Variants in AGBL4 observed in about 807,000 individuals in gnomAD.
AGBL4 encodes cytosolic carboxypeptidase 6.
In AGBL4, 58 loss-of-function variants were observed where a neutral mutation model predicts 66.4. The observed-to-expected ratio is 0.87, with a 90% CI of 0.71 to 1.09. AGBL4 has a LOEUF of 1.09. Among genes scored for constraint, AGBL4 ranks in the 50% least tolerant of loss-of-function variants. The pLI is 0.00. For missense variants in AGBL4, 579 were observed against 631.0 expected (o/e 0.92, Z 0.88); for synonymous variants, 234 against 222.9 (o/e 1.05, Z -0.44).
intron 5 of AGBL4, among the ~76,000 whole-genome samples, chr1:48,933,835 C>T (rs950249555): frequency 7.9e-5 from 12 of 152,160 alleles, no homozygotes; most frequent in African/African-American, 2.7e-4. Context: ...CCAAAGGGAG[C>T]AATTGGTTCT....
downstream of AGBL4, among the ~76,000 whole-genome samples, chr1:48,531,667 C>T (rs1643907387): frequency 6.6e-6 from 1 of 152,196 alleles, no homozygotes; most frequent in African/African-American, 2.4e-5. Context: ...TGTTTGGCAG[C>T]ACAGAACAAG....
At chr1:49,731,169 G>T (rs1649416118) in intron 2 of AGBL4, among the ~76,000 whole-genome samples, 2 of 152,174 alleles carry the variant, frequency 1.3e-5, no homozygotes, top group African/African-American at 4.8e-5. Flanking sequence ...GAAGACCAAA[G>T]CTCCTATCAG....
chr1:49,725,093 T>C (rs1021195575), intron 2 of AGBL4, among the ~76,000 whole-genome samples: 6 of 152,098 alleles, frequency 3.9e-5, no homozygotes, highest in Non-Finnish European at 7.4e-5. Context: ...TTTATTATTT[T>C]CCTACTAAAA....
chr1:49,295,723 A>C (rs182635764), intron 3 of AGBL4, among the ~76,000 whole-genome samples: 131 of 152,248 alleles, frequency 8.6e-4, no homozygotes, highest in Middle Eastern at 6.8e-3. Context: ...CTCCAATGGA[A>C]AATGCCCAAG....
intron 13 of AGBL4, 37 bp downstream of exon 13, chr1:48,534,853 T>C (rs1324261255): frequency 1.3e-6 from 2 of 1,547,618 alleles, no homozygotes; most frequent in Admixed American, 3.9e-5. Context: ...CATGGTATGT[T>C]ACTTACGGGC....
At chr1:49,886,776 T>C (rs551591519) in intron 1 of AGBL4, among the ~76,000 whole-genome samples, 17 of 152,154 alleles carry the variant, frequency 1.1e-4, no homozygotes, top group Non-Finnish European at 2.2e-4. Flanking sequence ...ACATATGTAA[T>C]CTTGTCAAGC....
intron 6 of AGBL4, among the ~76,000 whole-genome samples, chr1:48,768,644 C>T (rs187736808): frequency 6.6e-6 from 1 of 152,212 alleles, no homozygotes; most frequent in Admixed American, 6.5e-5. Context: ...TCTTAACTTC[C>T]ATTTGACATA....
At chr1:49,892,950 T>A (rs1445241816) in intron 1 of AGBL4, among the ~76,000 whole-genome samples, 3 of 152,154 alleles carry the variant, frequency 2.0e-5, no homozygotes, top group Admixed American at 1.3e-4. Flanking sequence ...CTTTTCCTAA[T>A]ACTTTGCAGT....
chr1:48,585,802 CA>C (rs1233138751), intron 11 of AGBL4: 1 of 152,266 alleles, frequency 6.6e-6, no homozygotes, highest in African/African-American at 2.4e-5. Flanking sequence ...ACCATACCCC[CA>C]ACCCTCCCAA....
chr1:49,716,697 T>C (rs1213637100), intron 2 of AGBL4, among the ~76,000 whole-genome samples: 1 of 152,102 alleles, frequency 6.6e-6, no homozygotes, highest in African/African-American at 2.4e-5. Flanking sequence ...TCTCAATAGA[T>C]GCAGAAATGG....
intron 1 of AGBL4, among the ~76,000 whole-genome samples, chr1:49,856,481 A>T (rs553961446): frequency 2.2e-4 from 34 of 152,128 alleles, no homozygotes; most frequent in Non-Finnish European, 2.6e-4. Flanking sequence ...ATTATCAACA[A>T]AATATTAGCT....
intron 5 of AGBL4, among the ~76,000 whole-genome samples, chr1:49,012,270 G>A (rs2149008382): frequency 6.6e-6 from 1 of 152,200 alleles, no homozygotes; most frequent in Non-Finnish European, 1.5e-5. Context: ...CTCTTAAAAA[G>A]GTGCTGTGTG....
Position 48,810,836 on chromosome 1 carries a change from C to T in AGBL4, c.634+56355G>A, listed in dbSNP as rs181464064. On this transcript the variant is annotated intron_variant, in intron 6 of 13. Coordinates refer to ENST00000371839, the MANE Select transcript of AGBL4 (RefSeq NM_032785.4). ...GGCAACCAGTTCAGAGCTGCTTGCTCGTTTATTTTATTTGTTTCCCTTTTA... is the reference window on the plus strand; with the variant it reads ...GGCAACCAGTTCAGAGCTGCTTGCTTGTTTATTTTATTTGTTTCCCTTTTA... 3.0e-4 allele frequency among the ~76,000 whole-genome samples: 45 copies of T among 152,206 alleles called. 1 individual carries two copies. The East Asian group carries it at 5.0e-3, about 17-fold the overall frequency.
chr1:49,989,176 G>A (rs1270088916), intron 1 of AGBL4, among the ~76,000 whole-genome samples: 1 of 152,124 alleles, frequency 6.6e-6, no homozygotes, highest in East Asian at 1.9e-4. Flanking sequence ...GGGTTGAAAG[G>A]AATAACAGAT....
intron 3 of AGBL4, among the ~76,000 whole-genome samples, chr1:49,295,682 A>G (rs1301646351): frequency 1.3e-5 from 2 of 152,154 alleles, no homozygotes; most frequent in Admixed American, 6.5e-5. Flanking sequence ...AAACACTACC[A>G]TTAGATTACA....
intron 3 of AGBL4, among the ~76,000 whole-genome samples, chr1:49,563,262 A>C (rs1208399452): frequency 6.6e-6 from 1 of 151,992 alleles, no homozygotes; most frequent in Admixed American, 6.6e-5. Context: ...AAAGAGGGAC[A>C]ATTTGACTTC....
At chr1:49,668,978 A>T (rs1256954095) in intron 3 of AGBL4, among the ~76,000 whole-genome samples, 1 of 152,172 alleles carries the variant, frequency 6.6e-6, no homozygotes, top group Non-Finnish European at 1.5e-5. Flanking sequence ...TCATTTGTGC[A>T]GGAAATCTAT....
intron 3 of AGBL4, among the ~76,000 whole-genome samples, chr1:49,669,114 C>T (rs1043087578): frequency 6.6e-6 from 1 of 151,646 alleles, no homozygotes; most frequent in East Asian, 1.9e-4. Context: ...AACGTGGGCA[C>T]GTAGATGGAA....
intron 4 of AGBL4, among the ~76,000 whole-genome samples, chr1:49,192,120 T>G (rs978335405): frequency 6.6e-6 from 1 of 152,136 alleles, no homozygotes; most frequent in Admixed American, 6.6e-5. Context: ...CCAGCATCTG[T>G]TATTTTTTGA....
Sources: gnomAD v4.1 joint callset for allele counts (sites outside exome capture counted in the v4.1 genomes callset) on GRCh38, gnomAD v4.1.1 for gene constraint, MANE v1.5 for transcripts, NCBI Gene and HGNC (gene_info 2026-07-23, HGNC 2026-07-21) for gene names.